Variants in ARFIP1 observed in about 807,000 individuals in gnomAD.
The protein encoded by ARFIP1 is ARF interacting protein 1.
ARFIP1 carries 24 observed loss-of-function variants against 42.5 expected under a neutral mutation model. The ratio of observed to expected loss-of-function variants is 0.57; its 90% CI spans 0.41 to 0.80. ARFIP1 has a LOEUF of 0.80. ARFIP1 is among the 30% of genes least tolerant of loss of function. The pLI, the probability that ARFIP1 is intolerant of heterozygous loss-of-function variation, is 0.00. For missense variants in ARFIP1, 354 were observed against 434.0 expected (o/e 0.82, Z 1.64); for synonymous variants, 141 against 153.7 (o/e 0.92, Z 0.61).
chr4:152,907,365 G>A (rs1294512296), intron 8 of ARFIP1, among the ~76,000 whole-genome samples: 2 of 152,078 alleles, frequency 1.3e-5, no homozygotes, highest in African/African-American at 2.4e-5. Flanking sequence ...ATAAAAGAAT[G>A]TTTAACATAC....
intron 1 of ARFIP1, among the ~76,000 whole-genome samples, chr4:152,790,744 T>C: frequency 6.8e-6 from 1 of 147,906 alleles, no homozygotes; most frequent in East Asian, 1.9e-4. Flanking sequence ...TTTTTTTTTT[T>C]TTTTTTTGAG....
At chr4:152,841,121 C>T (rs552738503) in intron 2 of ARFIP1, among the ~76,000 whole-genome samples, 1 of 151,984 alleles carries the variant, frequency 6.6e-6, no homozygotes, top group South Asian at 2.1e-4. Flanking sequence ...CTGCAACCTC[C>T]ACCTCCCGGG....
At chr4:152,892,467 G>A (rs1736941450) in intron 8 of ARFIP1, among the ~76,000 whole-genome samples, 1 of 152,170 alleles carries the variant, frequency 6.6e-6, no homozygotes, top group Non-Finnish European at 1.5e-5. Context: ...TAGTCCTTGA[G>A]TATGGGACTA....
intron 1 of ARFIP1, among the ~76,000 whole-genome samples, chr4:152,783,853 G>T (rs965012029): frequency 6.6e-6 from 1 of 151,904 alleles, no homozygotes; most frequent in Non-Finnish European, 1.5e-5. Flanking sequence ...GTGTGTGTGT[G>T]TTAGAACACA....
chr4:152,789,423 G>T (rs950841310), intron 1 of ARFIP1, among the ~76,000 whole-genome samples: 1 of 152,060 alleles, frequency 6.6e-6, no homozygotes, highest in Non-Finnish European at 1.5e-5. Flanking sequence ...CAGTACCATT[G>T]ATATTAACCT....
intron 8 of ARFIP1, among the ~76,000 whole-genome samples, chr4:152,894,843 G>T (rs1030834422): frequency 6.6e-6 from 1 of 152,216 alleles, no homozygotes; most frequent in Non-Finnish European, 1.5e-5. Flanking sequence ...CTTAAGAGTG[G>T]TTGGGGAAGG....
chr4:152,801,228 A>G (rs1445331959), intron 1 of ARFIP1, among the ~76,000 whole-genome samples: 1 of 152,206 alleles, frequency 6.6e-6, no homozygotes, highest in Non-Finnish European at 1.5e-5. Context: ...GCTAATTGAC[A>G]TAGATTGGTC....
chr4:152,882,613 C>T, intron 6 of ARFIP1, 110 bp from the exon 7 acceptor site: 1 of 1,042,828 alleles, frequency 9.6e-7, no homozygotes, highest in Non-Finnish European at 1.4e-6. Flanking sequence ...ACTGCTACAG[C>T]TAGATCTCTA....
At position 152,911,919 on chromosome 4, in the gene ARFIP1, C is replaced by T. The variant is rs1738880874; in HGVS notation, c.*1700C>T. On this transcript the variant is annotated 3_prime_UTR_variant, in exon 9 of 9. Coordinates refer to ENST00000353617, the MANE Select transcript of ARFIP1 (RefSeq NM_001025595.3). Reference sequence around the variant, plus strand: ...ACGTGTTTGCTGCAGTAAATCGTTTCTCTGGACCTTCATAGTTTAAGAAGT... The same window carrying T: ...ACGTGTTTGCTGCAGTAAATCGTTTTTCTGGACCTTCATAGTTTAAGAAGT... The T allele has an allele frequency of 6.6e-6, 1 of 152,484 alleles. No individual in the cohort carries two copies. The highest frequency in any genetic ancestry group is 2.4e-5 in the African/African-American group (1 of 41,412). The allele number at this position is 152,484 out of a possible 1,614,324, so 9.4% of individuals were successfully genotyped here. A position where few individuals can be genotyped will look rare whatever the true frequency, so the allele number is the denominator to read the frequency against.
intron 2 of ARFIP1, among the ~76,000 whole-genome samples, chr4:152,852,969 G>C (rs1263556399): frequency 3.3e-5 from 5 of 152,156 alleles, no homozygotes; most frequent in Non-Finnish European, 5.9e-5. Flanking sequence ...TTACCTATAG[G>C]ACAGTAGAGT....
At chr4:152,872,656 A>G in intron 5 of ARFIP1, 92 bp downstream of exon 5, 1 of 627,496 alleles carries the variant, frequency 1.6e-6, no homozygotes, top group Non-Finnish European at 2.6e-6. Flanking sequence ...TTAAATGCAC[A>G]TAGAGAAGAG....
At chr4:152,809,777 G>A (rs1439048292) in intron 1 of ARFIP1, 1 of 152,156 alleles carries the variant, frequency 6.6e-6, no homozygotes, top group Non-Finnish European at 1.5e-5. Context: ...TACTCTTCAT[G>A]TTACAATGCT....
chr4:152,870,746 T>G lies in ARFIP1; in HGVS notation c.203-7T>G. 1 of 1,610,688 alleles carries G rather than the reference T, an allele frequency of 6.2e-7. No homozygotes were observed. Among genetic ancestry groups the G allele is most frequent in the Non-Finnish European group, 8.5e-7 (1 of 1,176,912 alleles). On this transcript the variant is annotated splice_region_variant and splice_polypyrimidine_tract_variant and intron_variant, in intron 3 of 8. Transcript: ENST00000353617. ...GATTTTCACAGTTAAAATGTCTACC[T>G]TTTCAGGTTCCCCAGCACCGCCACT...
chr4:152,836,227 CTA>C (rs1231971822), intron 2 of ARFIP1, among the ~76,000 whole-genome samples: 1 of 152,108 alleles, frequency 6.6e-6, no homozygotes, highest in African/African-American at 2.4e-5. Context: ...AGTTTATTGA[CTA>C]TGTGATGTTT....
chr4:152,845,861 T>TA (rs1224968368), intron 2 of ARFIP1, among the ~76,000 whole-genome samples: 2 of 151,892 alleles, frequency 1.3e-5, no homozygotes, highest in African/African-American at 2.4e-5. Context: ...CAAGAGAAAA[T>TA]AAATCATTCT....
intron 2 of ARFIP1, among the ~76,000 whole-genome samples, chr4:152,842,186 C>G (rs1023424282): frequency 6.6e-6 from 1 of 152,080 alleles, no homozygotes; most frequent in Non-Finnish European, 1.5e-5. Context: ...AGAGAAATAG[C>G]CAATCATCTA....
intron 2 of ARFIP1, among the ~76,000 whole-genome samples, chr4:152,830,566 G>A (rs1731179479): frequency 6.6e-6 from 1 of 152,082 alleles, no homozygotes; most frequent in Non-Finnish European, 1.5e-5. Context: ...AGTTTAAATA[G>A]GACTCTTTAC....
intron 1 of ARFIP1, among the ~76,000 whole-genome samples, chr4:152,803,215 T>C (rs567283420): frequency 6.6e-6 from 1 of 152,228 alleles, no homozygotes; most frequent in South Asian, 2.1e-4. Context: ...CTGAGAAAGT[T>C]TGCTGGAGTG....
In ARFIP1 at chr4:152,888,120, C is replaced by G. The variant is rs779353354; in HGVS notation, c.792-13C>G. 6 of 1,583,896 alleles carry G rather than the reference C, an allele frequency of 3.8e-6. No homozygotes were observed. Among genetic ancestry groups the G allele is most frequent in the South Asian group, 3.5e-5 (3 of 85,670 alleles). On this transcript the variant is annotated splice_polypyrimidine_tract_variant and intron_variant, in intron 7 of 8. Transcript: ENST00000353617. The stretch of plus-strand genomic sequence containing the variant: ...GTTCTTGTAGTATGCTTCACTTACT[C>G]TCTTCTTTCCAGGATTGAATATGAT...
Sources: allele counts gnomAD v4.1 joint callset (sites outside exome capture counted in the v4.1 genomes callset), GRCh38; gene constraint gnomAD v4.1.1; transcripts MANE v1.5; gene names NCBI Gene and HGNC (gene_info 2026-07-23, HGNC 2026-07-21).